The following HTT variants were observed in gnomAD, a reference collection of about 807,000 sequenced individuals.
The protein encoded by HTT is huntingtin.
A neutral mutation model predicts 362.3 loss-of-function variants in HTT; 104 were observed. The observed-to-expected ratio is 0.29, with a 90% CI of 0.24 to 0.34. The LOEUF is 0.34. Among genes scored for constraint, HTT ranks in the 10% least tolerant of loss-of-function variants. The pLI is 1.00. For missense variants in HTT, 3,301 were observed against 3,928.6 expected, an observed-to-expected ratio of 0.84 and a Z score of 4.27; for synonymous variants, 1,577 against 1,548.7, an observed-to-expected ratio of 1.02 and a Z score of -0.43.
rs745908618 is a variant in HTT, at chr4:3,129,985, A to C, written c.1805A>C (p.Asp602Ala). The change falls in exon 13 of 67, where the codon GAT becomes GCT. Residue 602 changes from aspartate (D) to alanine (A), a missense_variant. By Grantham distance (126) the Asp-to-Ala change is moderately radical. Transcript: ENST00000355072. ...CAGATTGGACAGCCCCAGGATGAAG[A>C]TGAGGAAGCCACAGGTATTCTTCCT... ...GLQIGQPQDEDEEATGILPDE... is the reference protein window; with the variant it reads ...GLQIGQPQDEAEEATGILPDE... The C allele has an allele frequency of 6.2e-7, 1 of 1,614,016 alleles. No individual in the cohort carries two copies. The highest frequency in any genetic ancestry group is 8.5e-7 in the Non-Finnish European group (1 of 1,179,968).
Position 3,180,634 on chromosome 4 carries a change from C to T in HTT, c.4732C>T (p.Leu1578Phe). The change falls in exon 36 of 67, where the codon CTC becomes TTC. Residue 1578 changes from leucine (L) to phenylalanine (F), a missense_variant. Coordinates refer to ENST00000355072, the MANE Select transcript of HTT (RefSeq NM_001388492.1). ...KEVVVSMLLR[L>F]IQYHQVLEMF... Reference sequence around the variant, plus strand: ...GGTGGTGGTGTCAATGTTACTGAGACTCATCCAGTACCATCAGGTAAGAGG... The same window carrying T: ...GGTGGTGGTGTCAATGTTACTGAGATTCATCCAGTACCATCAGGTAAGAGG... The T allele has an allele frequency of 1.2e-6, 2 of 1,613,252 alleles. No homozygotes were observed.
intron 41 of HTT, among the ~76,000 whole-genome samples, chr4:3,200,570 G>C (rs908752813): frequency 6.6e-6 from 1 of 152,150 alleles, no homozygotes; most frequent in Admixed American, 6.5e-5. Flanking sequence ...ATTTCTGGAA[G>C]GCTCAAGATC....
At chr4:3,229,386 C>A (rs1044150501) in intron 59 of HTT, among the ~76,000 whole-genome samples, 1 of 149,332 alleles carries the variant, frequency 6.7e-6, no homozygotes, top group Non-Finnish European at 1.5e-5. Context: ...GCCACGTGCA[C>A]ACACCCCACA....
intron 40 of HTT, among the ~76,000 whole-genome samples, chr4:3,190,344 A>T (rs535505082): frequency 7.5e-5 from 11 of 147,372 alleles, no homozygotes; most frequent in African/African-American, 2.6e-4. Flanking sequence ...GCCTCTTATT[A>T]AAAAAAAATC....
chr4:3,096,160 A>G (rs192952134), intron 2 of HTT, among the ~76,000 whole-genome samples: 25 of 152,328 alleles, frequency 1.6e-4, no homozygotes, highest in Admixed American at 1.2e-3. Flanking sequence ...GATGAAGGGG[A>G]TTCGTTCATC....
intron 52 of HTT, 31 bp downstream of exon 52, chr4:3,217,983 A>C: frequency 6.4e-7 from 1 of 1,569,188 alleles, no homozygotes. Flanking sequence ...CAGAAGACCA[A>C]GTACGGTGAA....
chr4:3,177,254 A>T (rs949714528), intron 33 of HTT, 78 bp from the exon 34 acceptor site: 1 of 923,540 alleles, frequency 1.1e-6, no homozygotes, highest in African/African-American at 1.6e-5. Flanking sequence ...ATTTATGCAG[A>T]TAAGCAGGAG....
intron 53 of HTT, among the ~76,000 whole-genome samples, chr4:3,221,713 C>T (rs1485962774): frequency 6.6e-6 from 1 of 152,204 alleles, no homozygotes; most frequent in Non-Finnish European, 1.5e-5. Flanking sequence ...TGAAGCACAG[C>T]TGTCAGAAAC....
intron 30 of HTT, 110 bp downstream of exon 30, chr4:3,172,507 T>C: frequency 1.2e-6 from 1 of 810,822 alleles, no homozygotes; most frequent in Non-Finnish European, 2.2e-6. Context: ...GGGAGGATTG[T>C]GGGGTCCAGC....
At chr4:3,146,323 A>G (rs1716598282) in intron 24 of HTT, among the ~76,000 whole-genome samples, 1 of 152,234 alleles carries the variant, frequency 6.6e-6, no homozygotes, top group Admixed American at 6.5e-5. Context: ...GGCGTGTTAA[A>G]GGATACCATT....
At chr4:3,087,965 C>T (rs1713301357) in intron 2 of HTT, among the ~76,000 whole-genome samples, 1 of 150,816 alleles carries the variant, frequency 6.6e-6, no homozygotes, top group African/African-American at 2.4e-5. Context: ...ATTCTCCTGC[C>T]TCAGCCTCCC....
At chr4:3,116,010 C>T in intron 7 of HTT, 75 bp from the exon 8 acceptor site, 3 of 1,374,822 alleles carry the variant, frequency 2.2e-6, no homozygotes, top group East Asian at 4.6e-5. Flanking sequence ...AGGATCTCTT[C>T]TTTTTTAACA....
chr4:3,239,935 A>G lies in HTT; in HGVS notation c.9305A>G (p.Gln3102Arg), dbSNP rs1272458139. Residue 3102 changes from glutamine (Q) to arginine (R), a missense_variant, in exon 67 of 67, where the codon CAG becomes CGG. Physicochemically the swap from Gln to Arg is conservative, Grantham distance 43 (BLOSUM62 1). This residue lies in a region of HTT where 753 missense variants were observed against 1,021.3 expected (regional missense o/e 0.74). Transcript: ENST00000355072. Reference protein sequence around the residue: ...CLVATDFYRHQIEEELDRRAF... With the variant: ...CLVATDFYRHRIEEELDRRAF... ...GTCGCCACAGACTTCTACAGACACC[A>G]GATAGAGGAGGAGCTCGACCGCAGG... 11 of 1,582,746 alleles carry G rather than the reference A, an allele frequency of 6.9e-6. No homozygotes were observed. Among genetic ancestry groups the G allele is most frequent in the Non-Finnish European group, 9.5e-6 (11 of 1,163,318 alleles).
intron 8 of HTT, among the ~76,000 whole-genome samples, chr4:3,116,711 G>A (rs1215502738): frequency 1.3e-5 from 2 of 152,156 alleles, no homozygotes; most frequent in African/African-American, 4.8e-5. Flanking sequence ...AAGGAGATAG[G>A]GACGTGGTCG....
intron 28 of HTT, among the ~76,000 whole-genome samples, chr4:3,157,948 GTTATAT>G (rs1717232472): frequency 6.7e-6 from 1 of 149,912 alleles, no homozygotes; most frequent in Non-Finnish European, 1.5e-5. Context: ...TTATTATTTT[GTTATAT>G]CAATCTATCT....
At position 3,229,136 on chromosome 4, in the gene HTT, C is replaced by T. The variant is rs1357872900; in HGVS notation, c.8109+127C>T. 3.4e-6 allele frequency: 3 copies of T among 886,950 alleles called. 1 individual carries two copies. The Admixed American group carries it at 7.2e-5, about 21-fold the overall frequency. 54.9% of individuals were successfully genotyped at this position (886,950 alleles called of 1,614,324 possible). The stretch of plus-strand genomic sequence containing the variant: ...ACACACACCCCTCATGCATGCAACA[C>T]ACACACAGGCCACACGCACCATAGA... On this transcript the variant is annotated intron_variant, in intron 59 of 66. Coordinates refer to ENST00000355072, the MANE Select transcript of HTT (RefSeq NM_001388492.1).
intron 3 of HTT, among the ~76,000 whole-genome samples, chr4:3,100,952 C>T (rs368729041): frequency 2.9e-4 from 44 of 152,290 alleles, no homozygotes; most frequent in African/African-American, 9.9e-4. Flanking sequence ...TGGTCTTGAA[C>T]GCCTGGGCTC....
At position 3,220,215 on chromosome 4, in the gene HTT, G is replaced by A; in HGVS notation, c.7276G>A (p.Gly2426Arg). The change falls in exon 53 of 67, where the codon GGG becomes AGG. Residue 2426 changes from glycine to arginine, a missense_variant. Transcript: ENST00000355072. ...WKLGWSPKPG[G>R]DFGTAFPEIP... ...GCTTGGATGGTCACCCAAACCGGGA[G>A]GGGATTTTGGCACAGCATTCCCTGA... The A allele has an allele frequency of 6.2e-7, 1 of 1,614,156 alleles. No homozygotes were observed. The highest frequency in any genetic ancestry group is 1.3e-5 in the African/African-American group (1 of 75,024).
intron 1 of HTT, 40 bp from the exon 2 acceptor site, chr4:3,086,899 A>G: frequency 8.7e-7 from 1 of 1,149,286 alleles, no homozygotes; most frequent in Non-Finnish European, 1.3e-6. Flanking sequence ...GGAGTGGGTA[A>G]TTCAACACAT....
Sources: gnomAD v4.1 joint callset for allele counts (sites outside exome capture counted in the v4.1 genomes callset) on GRCh38, gnomAD v4.1.1 for gene constraint, gnomAD v4.1.1 regional missense constraint, MANE v1.5 for transcripts, NCBI Gene and HGNC (gene_info 2026-07-23, HGNC 2026-07-21) for gene names.